Variants in NRG3 observed in about 807,000 individuals in gnomAD.
The protein encoded by NRG3 is neuregulin 3.
NRG3 carries 31 observed loss-of-function variants against 66.9 expected under a neutral mutation model. The observed-to-expected ratio is 0.46, with a 90% CI of 0.35 to 0.63. The LOEUF (loss-of-function observed/expected upper bound fraction) is 0.63, where lower values mean the gene tolerates loss of function less well. NRG3 is among the 20% of genes least tolerant of loss of function. The pLI, the probability that NRG3 is intolerant of heterozygous loss-of-function variation, is 0.00. For synonymous variants in NRG3, 393 were observed against 359.4 expected (o/e 1.09, Z -1.06); for missense variants, 910 against 878.9 (o/e 1.04, Z -0.45).
At chr10:81,953,274 T>C (rs1006611830) in intron 1 of NRG3, among the ~76,000 whole-genome samples, 2 of 152,172 alleles carry the variant, frequency 1.3e-5, no homozygotes, top group Non-Finnish European at 2.9e-5. Context: ...ATCCTTTGCT[T>C]GGGATGAGAA....
At chr10:82,859,540 G>A (rs1488848164) in intron 3 of NRG3, among the ~76,000 whole-genome samples, 1 of 152,120 alleles carries the variant, frequency 6.6e-6, no homozygotes, top group Non-Finnish European at 1.5e-5. Flanking sequence ...TGCCCACCTC[G>A]GGGGAATGTC....
chr10:82,735,126 A>T (rs2058091650), intron 2 of NRG3, among the ~76,000 whole-genome samples: 1 of 152,226 alleles, frequency 6.6e-6, no homozygotes, highest in Admixed American at 6.5e-5. Context: ...AAGTAGATGT[A>T]CACTTAGAGT....
intron 2 of NRG3, among the ~76,000 whole-genome samples, chr10:82,655,873 A>G (rs776613251): frequency 1.3e-5 from 2 of 152,176 alleles, no homozygotes; most frequent in Admixed American, 6.5e-5. Context: ...AAACACACAC[A>G]AACAAGATGT....
intron 3 of NRG3, among the ~76,000 whole-genome samples, chr10:82,817,541 T>A (rs1365230769): frequency 6.6e-6 from 1 of 152,198 alleles, no homozygotes; most frequent in Non-Finnish European, 1.5e-5. Flanking sequence ...CCTCTACTCC[T>A]GGTTATTTTG....
chr10:82,244,471 C>T (rs182022827), intron 1 of NRG3, among the ~76,000 whole-genome samples: 1 of 152,098 alleles, frequency 6.6e-6, no homozygotes, highest in African/African-American at 2.4e-5. Flanking sequence ...TTTGGAGTGC[C>T]ATTGCCTAAT....
At chr10:82,586,597 G>A (rs1163428989) in intron 2 of NRG3, among the ~76,000 whole-genome samples, 2 of 152,128 alleles carry the variant, frequency 1.3e-5, no homozygotes, top group Non-Finnish European at 1.5e-5. Flanking sequence ...GTTATAATGA[G>A]TAAATGTGAA....
intron 2 of NRG3, among the ~76,000 whole-genome samples, chr10:82,695,942 T>A (rs774325386): frequency 3.3e-5 from 5 of 152,124 alleles, no homozygotes; most frequent in Non-Finnish European, 5.9e-5. Flanking sequence ...AGCACCTCCA[T>A]CTGTGGTCCA....
At chr10:82,200,063 A>G (rs1454603510) in intron 1 of NRG3, among the ~76,000 whole-genome samples, 2 of 151,998 alleles carry the variant, frequency 1.3e-5, no homozygotes, top group Admixed American at 6.6e-5. Context: ...GGTTAAAGTC[A>G]CTCTTTTTCA....
chr10:82,828,433 G>A (rs2062349911), intron 3 of NRG3, among the ~76,000 whole-genome samples: 1 of 152,110 alleles, frequency 6.6e-6, no homozygotes, highest in South Asian at 2.1e-4. Context: ...AGGCCAGGGA[G>A]GTTAAACGAC....
At chr10:82,888,415 G>C (rs1842891589) in intron 4 of NRG3, among the ~76,000 whole-genome samples, 1 of 152,168 alleles carries the variant, frequency 6.6e-6, no homozygotes, top group Admixed American at 6.6e-5. Flanking sequence ...CCATTGACTT[G>C]AAAATGTGCC....
intron 4 of NRG3, among the ~76,000 whole-genome samples, chr10:82,928,960 C>A (rs1250045344): frequency 6.6e-6 from 1 of 152,128 alleles, no homozygotes; most frequent in East Asian, 1.9e-4. Context: ...GGGAGTCCCA[C>A]TGTTGTCAAG....
At chr10:82,239,266 G>A (rs976948645) in intron 1 of NRG3, among the ~76,000 whole-genome samples, 2 of 151,954 alleles carry the variant, frequency 1.3e-5, no homozygotes, top group Admixed American at 1.3e-4. Flanking sequence ...TTTGAGATGG[G>A]AGTCTTGCCC....
At chr10:82,327,854 G>T (rs2081952637) in intron 1 of NRG3, among the ~76,000 whole-genome samples, 1 of 152,258 alleles carries the variant, frequency 6.6e-6, no homozygotes, top group African/African-American at 2.4e-5. Context: ...TTCTCCAGTG[G>T]TCTTTTTCCT....
intron 1 of NRG3, among the ~76,000 whole-genome samples, chr10:81,963,218 C>T (rs1252513700): frequency 7.1e-6 from 1 of 139,916 alleles, no homozygotes; most frequent in Non-Finnish European, 1.5e-5. Flanking sequence ...ACTGCAAGCT[C>T]CGCCTCCCGG....
rs1245396070 is a variant in NRG3 at position 82,532,258 on chromosome 10, G to C, written c.953+173390G>C. Among the ~76,000 whole-genome samples, 5 of 151,424 alleles carry C rather than the reference G, an allele frequency of 3.3e-5. No individual in the cohort carries two copies. In the South Asian group the frequency reaches 8.3e-4, roughly 25 times the overall value. On this transcript the variant is annotated intron_variant, in intron 2 of 8. Coordinates refer to ENST00000372141, the MANE Select transcript of NRG3 (RefSeq NM_001010848.4). ...GTTTCTTCTATCTGACTATATGTTT[G>C]TAACCATTTTAGACACCTCATATAA...
At chr10:82,960,437 ACTT>A (rs1316700865) in intron 6 of NRG3, among the ~76,000 whole-genome samples, 1 of 151,824 alleles carries the variant, frequency 6.6e-6, no homozygotes, top group African/African-American at 2.4e-5. Flanking sequence ...GTTGAACTGA[ACTT>A]CTATTTGTAC....
At chr10:82,254,854 A>G (rs1170895585) in intron 1 of NRG3, among the ~76,000 whole-genome samples, 1 of 151,580 alleles carries the variant, frequency 6.6e-6, no homozygotes, top group Non-Finnish European at 1.5e-5. Context: ...ATAAATAAAT[A>G]ATTGAATAAA....
At chr10:82,416,805 G>A (rs117309692) in intron 2 of NRG3, among the ~76,000 whole-genome samples, 129 of 152,208 alleles carry the variant, frequency 8.5e-4, no homozygotes, top group Non-Finnish European at 1.7e-3. Flanking sequence ...AGAAAGTCAG[G>A]TCTAAATTCA....
At chr10:81,937,459 C>T (rs1728258244) in intron 1 of NRG3, among the ~76,000 whole-genome samples, 1 of 151,880 alleles carries the variant, frequency 6.6e-6, no homozygotes, top group Non-Finnish European at 1.5e-5. Context: ...TTAATAATGG[C>T]CATGATATCT....
Sources: gnomAD v4.1 joint callset for allele counts (sites outside exome capture counted in the v4.1 genomes callset) on GRCh38, gnomAD v4.1.1 for gene constraint, MANE v1.5 for transcripts, NCBI Gene and HGNC (gene_info 2026-07-23, HGNC 2026-07-21) for gene names.